SENP6: variants seen among roughly 807,000 people sequenced by gnomAD.
SENP6 encodes SUMO specific peptidase 6, also known as sentrin-specific protease 6.
A neutral mutation model predicts 134.5 loss-of-function variants in SENP6; 41 were observed. That is an observed-to-expected ratio of 0.30 (90% CI 0.24 to 0.40). The LOEUF (loss-of-function observed/expected upper bound fraction) is 0.40. Among genes scored for constraint, SENP6 ranks in the 10% least tolerant of loss-of-function variants. The probability of loss-of-function intolerance (pLI) is 1.00; values close to 1 mark genes in which losing one functional copy is unlikely to be tolerated. For missense variants in SENP6, 1,248 were observed against 1,312.5 expected (o/e 0.95, Z 0.76); for synonymous variants, 395 against 429.8 (o/e 0.92, Z 1.00).
chr6:75,654,149 G>A (rs111961222), intron 7 of SENP6, among the ~76,000 whole-genome samples: 39 of 152,284 alleles, frequency 2.6e-4, no homozygotes, highest in African/African-American at 8.2e-4. Flanking sequence ...ATTTGAGCCC[G>A]TCAGGTGAAG....
At chr6:75,695,993 C>T (rs1774635282) in intron 17 of SENP6, 70 bp downstream of exon 17, 1 of 1,371,176 alleles carries the variant, frequency 7.3e-7, no homozygotes, top group Admixed American at 2.5e-5. Flanking sequence ...AAATCACGTA[C>T]TTGAAAGAAA....
At chr6:75,638,588 G>A (rs58566800) in intron 5 of SENP6, among the ~76,000 whole-genome samples, 69 of 31,026 alleles carry the variant, frequency 2.2e-3, no homozygotes, top group South Asian at 0.021. Flanking sequence ...GTGTGTGTGT[G>A]TGTATATATA....
At chr6:75,614,184 CTTG>C (rs994891931) in intron 1 of SENP6, among the ~76,000 whole-genome samples, 39 of 150,736 alleles carry the variant, frequency 2.6e-4, no homozygotes, top group Admixed American at 1.9e-3. Context: ...GTCAATTTGT[CTTG>C]TTGTTGGGGA....
chr6:75,602,998 G>A (rs1434804222), intron 1 of SENP6, among the ~76,000 whole-genome samples: 1 of 152,230 alleles, frequency 6.6e-6, no homozygotes, highest in Non-Finnish European at 1.5e-5. Context: ...GGGACAGACA[G>A]TTTCATTGAG....
In SENP6 at chr6:75,640,628, A is replaced by G. The variant is rs959599743; in HGVS notation, c.459-56A>G. Reference sequence around the variant, plus strand: ...GACTATAGTTACTGCAACTACAGTGATATATCAACAATGAGGTCTTGCCTC... The same window carrying G: ...GACTATAGTTACTGCAACTACAGTGGTATATCAACAATGAGGTCTTGCCTC... On this transcript the variant is annotated intron_variant, in intron 5 of 23. Coordinates refer to ENST00000447266, the MANE Select transcript of SENP6 (RefSeq NM_015571.4). The G allele has an allele frequency of 4.0e-6, 5 of 1,234,884 alleles. No individual in the cohort carries two copies. The African/African-American group carries it at 6.1e-5, about 15-fold the overall frequency. 76.5% of individuals were successfully genotyped at this position (1,234,884 alleles called of 1,614,324 possible).
chr6:75,672,362 T>C (rs927659126), intron 11 of SENP6, among the ~76,000 whole-genome samples: 2 of 152,220 alleles, frequency 1.3e-5, no homozygotes, highest in Non-Finnish European at 2.9e-5. Context: ...ATGAATTTTT[T>C]CTAATAGGTT....
At chr6:75,630,283 T>TGACC (rs1769011898) in intron 3 of SENP6, among the ~76,000 whole-genome samples, 1 of 152,272 alleles carries the variant, frequency 6.6e-6, no homozygotes, top group South Asian at 2.1e-4. Context: ...TTGGTCAGGC[T>TGACC]GGTCTCAAAC....
At chr6:75,712,185 G>A (rs978663620) in intron 21 of SENP6, among the ~76,000 whole-genome samples, 5 of 152,128 alleles carry the variant, frequency 3.3e-5, no homozygotes, top group Admixed American at 2.0e-4. Flanking sequence ...TCAGAAGTAC[G>A]TGTTTCTTCT....
chr6:75,640,172 G>C (rs905146347), intron 5 of SENP6, among the ~76,000 whole-genome samples: 1 of 152,122 alleles, frequency 6.6e-6, no homozygotes, highest in South Asian at 2.1e-4. Flanking sequence ...CAACACTCTC[G>C]GGCATATAAT....
At chr6:75,675,238 A>G (rs1200806027) in intron 11 of SENP6, among the ~76,000 whole-genome samples, 197 bp from the exon 12 acceptor site, 1 of 152,202 alleles carries the variant, frequency 6.6e-6, no homozygotes, top group Non-Finnish European at 1.5e-5. Flanking sequence ...GGATGTGACA[A>G]GAATGTTAAC....
chr6:75,687,984 G>A (rs1290696534), intron 16 of SENP6, among the ~76,000 whole-genome samples: 1 of 152,214 alleles, frequency 6.6e-6, no homozygotes, highest in African/African-American at 2.4e-5. Context: ...CTATTTTTCA[G>A]CTATGCCCTG....
chr6:75,670,788 T>C (rs1772613729), intron 11 of SENP6, 68 bp downstream of exon 11: 2 of 810,574 alleles, frequency 2.5e-6, no homozygotes, highest in East Asian at 3.8e-5. Flanking sequence ...AAAGCTAATA[T>C]ATAATATTTA....
chr6:75,692,930 G>A (rs1774384823), intron 16 of SENP6, among the ~76,000 whole-genome samples: 1 of 152,200 alleles, frequency 6.6e-6, no homozygotes, highest in Non-Finnish European at 1.5e-5. Context: ...AGTTAGCCAG[G>A]TATGGTGGCG....
chr6:75,655,654 G>A (rs1001467019), intron 7 of SENP6, among the ~76,000 whole-genome samples: 2 of 152,128 alleles, frequency 1.3e-5, no homozygotes, highest in Non-Finnish European at 2.9e-5. Flanking sequence ...TTTTAACATT[G>A]CATTGTATGA....
chr6:75,681,220 C>T (rs908198469), intron 16 of SENP6, among the ~76,000 whole-genome samples: 1 of 152,114 alleles, frequency 6.6e-6, no homozygotes, highest in African/African-American at 2.4e-5. Context: ...TTCCCCCTTT[C>T]CATCCTTGTT....
At chr6:75,669,888 G>C (rs1312311352) in intron 10 of SENP6, among the ~76,000 whole-genome samples, 1 of 152,000 alleles carries the variant, frequency 6.6e-6, no homozygotes, top group Non-Finnish European at 1.5e-5. Flanking sequence ...GCATATTTTA[G>C]AGTTTAGGGA....
chr6:75,675,448 T>G lies in SENP6; in HGVS notation c.1406T>G (p.Phe469Cys), dbSNP rs754483779. The G allele has an allele frequency of 6.8e-7, 1 of 1,461,286 alleles. No homozygotes were observed. Among genetic ancestry groups the G allele is most frequent in the South Asian group, 1.2e-5 (1 of 81,062 alleles). 90.5% of individuals were successfully genotyped at this position (1,461,286 alleles called of 1,614,324 possible). The change falls in exon 12 of 24, where the codon TTT becomes TGT. Residue 469 changes from phenylalanine (F) to cysteine (C), a missense_variant. By Grantham distance (205) the Phe-to-Cys change is radical. Coordinates refer to ENST00000447266, the MANE Select transcript of SENP6 (RefSeq NM_015571.4). ...LIEPVIFCLD[F>C]IKIQLDEPDH... ...CTTTTTTTTTAGTTTTGTTTAGATT[T>G]TATCAAGATACAGCTAGACGGTAAG... is the stretch of plus-strand genomic sequence containing the variant.
chr6:75,644,913 C>T (rs78489564), intron 6 of SENP6, among the ~76,000 whole-genome samples: 2,434 of 152,256 alleles, frequency 0.016, 66 homozygotes, highest in African/African-American at 0.056. Flanking sequence ...GAATTGTCTT[C>T]GTAACTTTTC....
At chr6:75,714,922 C>T (rs1775948283) in intron 23 of SENP6, among the ~76,000 whole-genome samples, 1 of 152,202 alleles carries the variant, frequency 6.6e-6, no homozygotes, top group Admixed American at 6.5e-5. Context: ...GTACTCTATA[C>T]TTCTGTCATA....
Sources: allele counts gnomAD v4.1 joint callset (sites outside exome capture counted in the v4.1 genomes callset), GRCh38; gene constraint gnomAD v4.1.1; transcripts MANE v1.5; gene names NCBI Gene and HGNC (gene_info 2026-07-23, HGNC 2026-07-21).